ZNF549: variants seen among roughly 807,000 people sequenced by gnomAD.
ZNF549 encodes zinc finger protein 549.
A neutral mutation model predicts 11.1 loss-of-function variants in ZNF549; 11 were observed. The ratio of observed to expected loss-of-function variants is 0.99; its 90% CI spans 0.62 to 1.64. The LOEUF (loss-of-function observed/expected upper bound fraction) is 1.64. Among genes scored for constraint, ZNF549 ranks in the 40% most tolerant of loss-of-function variants. The pLI is 0.00. For synonymous variants in ZNF549, 266 were observed against 269.1 expected (o/e 0.99, Z 0.11); for missense variants, 748 against 765.1 (o/e 0.98, Z 0.26).
intron 2 of ZNF549, among the ~76,000 whole-genome samples, chr19:57,534,522 A>G (rs1330987513): frequency 6.6e-6 from 1 of 152,158 alleles, no homozygotes; most frequent in South Asian, 2.1e-4. Flanking sequence ...GACTGAGTAT[A>G]GGTGGAGAGA....
Position 57,527,436 on chromosome 19 carries a change from C to T in ZNF549, c.-138C>T. ...CGGGCCAGGTAACTGGAGCCGGAAACCGGTGGAGGTGGTGTCCGCCCGCAG... is the reference window on the plus strand; with the variant it reads ...CGGGCCAGGTAACTGGAGCCGGAAATCGGTGGAGGTGGTGTCCGCCCGCAG... On this transcript the variant is annotated 5_prime_UTR_variant, in exon 1 of 4. Coordinates refer to ENST00000376233, the MANE Select transcript of ZNF549 (RefSeq NM_001199295.2). 3 of 1,241,984 alleles carry T rather than the reference C, an allele frequency of 2.4e-6. No homozygotes were observed. Among genetic ancestry groups the T allele is most frequent in the South Asian group, 1.3e-5 (1 of 78,256 alleles). The allele number at this position is 1,241,984 out of a possible 1,614,324, so 76.9% of individuals were successfully genotyped here.
chr19:57,535,483 T>TG (rs2089920568), intron 3 of ZNF549: 2 of 567,488 alleles, frequency 3.5e-6, no homozygotes, highest in Non-Finnish European at 5.8e-6. Flanking sequence ...AGAGTTTGGG[T>TG]TCAGACTCTT....
At chr19:57,536,938 A>G (rs529451376) in intron 3 of ZNF549, among the ~76,000 whole-genome samples, 2 of 151,596 alleles carry the variant, frequency 1.3e-5, no homozygotes, top group Admixed American at 1.3e-4. Context: ...AAGAAATTCT[A>G]AAAAAAAATT....
In ZNF549 at chr19:57,539,172, C is replaced by G. The variant is rs774208153; in HGVS notation, c.*245C>G. On this transcript the variant is annotated 3_prime_UTR_variant, in exon 4 of 4. Transcript: ENST00000376233. ...CGTTTTCATCAGTCACTCACATGTG[C>G]TCAAGGAATGCAGACCACTGTGCTT... 4.2e-6 allele frequency: 2 copies of G among 470,884 alleles called. No individual in the cohort carries two copies. Among genetic ancestry groups the G allele is most frequent in the East Asian group, 3.5e-5 (1 of 28,768 alleles). 29.2% of individuals were successfully genotyped at this position (470,884 alleles called of 1,614,324 possible). A position where few individuals can be genotyped will look rare whatever the true frequency, so the allele number is the denominator to read the frequency against.
rs1442533189 is a variant in ZNF549, at chr19:57,537,545, C to G, written c.541C>G (p.Leu181Val). The change falls in exon 4 of 4, where the codon CTT becomes GTT. Residue 181 changes from leucine to valine, a missense_variant. Transcript: ENST00000376233. ...CTGCAAAATTCCTCTGTCAGACAAT[C>G]TTTTCCCATGCAAAGATGTTGAGAA... is the stretch of plus-strand genomic sequence containing the variant. ...NSCKIPLSDN[L>V]FPCKDVEKDF... is the part of the protein sequence containing the mutation. 2 of 1,614,120 alleles carry G rather than the reference C, an allele frequency of 1.2e-6. No individual in the cohort carries two copies. The highest frequency in any genetic ancestry group is 1.7e-6 in the Non-Finnish European group (2 of 1,180,050).
At position 57,527,522 on chromosome 19, in the gene ZNF549, G is replaced by A; in HGVS notation, c.-52G>A. 4 of 1,611,320 alleles carry A rather than the reference G, an allele frequency of 2.5e-6. No homozygotes were observed. The East Asian group carries it at 8.9e-5, about 36-fold the overall frequency. ...GCGATTTGCCACCGCACGCACGCCG[G>A]ATCCCGGGCTTTACCGCCCGCCTTT... On this transcript the variant is annotated 5_prime_UTR_variant, in exon 1 of 4. Coordinates refer to ENST00000376233, the MANE Select transcript of ZNF549 (RefSeq NM_001199295.2).
rs150631932 is a variant in ZNF549 at position 57,530,515 on chromosome 19, C to T, written c.34-555C>T. Among the ~76,000 whole-genome samples the T allele has an allele frequency of 2.0e-3, 311 of 152,210 alleles. 1 individual carries two copies. The highest frequency in any genetic ancestry group is 7.2e-3 in the African/African-American group (297 of 41,522). Reference sequence around the variant, plus strand: ...GTAAGGAGAGAGGTCATGGCAGCCCCCAAATGTGTAGCCAAGTGGAGAAAA... The same window carrying T: ...GTAAGGAGAGAGGTCATGGCAGCCCTCAAATGTGTAGCCAAGTGGAGAAAA... On this transcript the variant is annotated intron_variant, in intron 1 of 3. Coordinates refer to ENST00000376233, the MANE Select transcript of ZNF549 (RefSeq NM_001199295.2).
At chr19:57,535,102 G>A in intron 2 of ZNF549, 42 bp from the exon 3 acceptor site, 1 of 1,604,552 alleles carries the variant, frequency 6.2e-7, no homozygotes, top group Non-Finnish European at 8.5e-7. Context: ...GGGTTCCTGG[G>A]GATTGAGTCT....
intron 2 of ZNF549, 21 bp from the exon 3 acceptor site, chr19:57,535,123 T>G (rs761772354): frequency 6.2e-7 from 1 of 1,610,662 alleles, no homozygotes; most frequent in African/African-American, 1.3e-5. Flanking sequence ...GCTCATGATT[T>G]CATCTGCCCC....
chr19:57,529,000 G>T (rs2089891830), intron 1 of ZNF549, among the ~76,000 whole-genome samples: 3 of 152,104 alleles, frequency 2.0e-5, no homozygotes, highest in African/African-American at 7.2e-5. Context: ...CATCAGTGAC[G>T]GTGGTCCCAT....
rs2089939964 is a variant in ZNF549 at position 57,538,666 on chromosome 19, A to G, written c.1662A>G (p.Glu554=). The part of the protein sequence containing the change: ...LLEHQKVHTG[E]KPCECSECGK... ...AGCACCAGAAAGTTCACACTGGCGAAAAGCCCTGTGAGTGCAGTGAATGTG... is the reference window on the plus strand; with the variant it reads ...AGCACCAGAAAGTTCACACTGGCGAGAAGCCCTGTGAGTGCAGTGAATGTG... Residue 554 remains glutamate, a synonymous_variant, in exon 4 of 4, where the codon GAA becomes GAG. Transcript: ENST00000376233. 1.2e-6 allele frequency: 2 copies of G among 1,614,216 alleles called. No individual in the cohort carries two copies. The highest frequency in any genetic ancestry group is 1.3e-5 in the African/African-American group (1 of 75,046).
At chr19:57,531,564 TAAAG>T (rs2089904232) in intron 2 of ZNF549, among the ~76,000 whole-genome samples, 1 of 152,366 alleles carries the variant, frequency 6.6e-6, no homozygotes, top group African/African-American at 2.4e-5. Context: ...CCTTTTCACT[TAAAG>T]GAAGTACTTC....
chr19:57,532,235 G>A (rs527874678), intron 2 of ZNF549, among the ~76,000 whole-genome samples: 1 of 152,270 alleles, frequency 6.6e-6, no homozygotes, highest in African/African-American at 2.4e-5. Flanking sequence ...TTATAACTGT[G>A]TATTGTAAAC....
intron 2 of ZNF549, among the ~76,000 whole-genome samples, chr19:57,533,982 G>C (rs1485805595): frequency 2.0e-5 from 3 of 152,192 alleles, no homozygotes; most frequent in Non-Finnish European, 2.9e-5. Context: ...CTTGGTGGTG[G>C]TGTTAGGTGC....
At chr19:57,529,661 C>A (rs2089895057) in intron 1 of ZNF549, among the ~76,000 whole-genome samples, 2 of 152,150 alleles carry the variant, frequency 1.3e-5, no homozygotes, top group African/African-American at 4.8e-5. Flanking sequence ...CTGAGGCAGG[C>A]AGATCACAAG....
rs998187327 is a variant in ZNF549, at chr19:57,535,080, C to T, written c.73-64C>T. 77 of 1,586,958 alleles carry T rather than the reference C, an allele frequency of 4.9e-5. No individual in the cohort carries two copies. The South Asian group carries it at 6.8e-4, about 14-fold the overall frequency. ...TCTGAGTTGGAGAACTAGGGAGGAG[C>T]GAGATTTACTGGGGTTCCTGGGGAT... On this transcript the variant is annotated intron_variant, in intron 2 of 3. Coordinates refer to ENST00000376233, the MANE Select transcript of ZNF549 (RefSeq NM_001199295.2).
chr19:57,537,324 A>C lies in ZNF549; in HGVS notation c.320A>C (p.Glu107Ala), dbSNP rs753922148. 1 of 1,614,214 alleles carries C rather than the reference A, an allele frequency of 6.2e-7. No individual in the cohort carries two copies. The highest frequency in any genetic ancestry group is 8.5e-7 in the Non-Finnish European group (1 of 1,180,034). The part of the protein sequence containing the change: ...GPSIPNAHSC[E>A]MCILVMKDIL... Reference sequence around the variant, plus strand: ...TCCATCCCAAATGCTCATTCTTGTGAGATGTGTATCCTGGTCATGAAAGAC... The same window carrying C: ...TCCATCCCAAATGCTCATTCTTGTGCGATGTGTATCCTGGTCATGAAAGAC... Residue 107 changes from glutamate to alanine, a missense_variant, in exon 4 of 4, where the codon GAG becomes GCG. Glu to Ala is a moderately radical substitution (Grantham distance 107, BLOSUM62 -1). Coordinates refer to ENST00000376233, the MANE Select transcript of ZNF549 (RefSeq NM_001199295.2).
In ZNF549 at chr19:57,538,809, A is replaced by C. The variant is rs1395690123; in HGVS notation, c.1805A>C (p.Glu602Ala). ...TTTATCTATAAAAACAAACTTGTTG[A>C]GCATCAGCGAATCCACACCGGAGAA... Reference protein sequence around the residue: ...KAFIYKNKLVEHQRIHTGEKP... With the variant: ...KAFIYKNKLVAHQRIHTGEKP... Residue 602 changes from glutamate (E) to alanine (A), a missense_variant, in exon 4 of 4, where the codon GAG (glutamate) becomes GCG (alanine). Transcript: ENST00000376233. 6.2e-7 allele frequency: 1 copy of C among 1,614,210 alleles called. No individual in the cohort carries two copies. The highest frequency in any genetic ancestry group is 1.7e-5 in the Admixed American group (1 of 60,026).
rs532889736 is a variant in ZNF549, at chr19:57,538,544, G to C, written c.1540G>C (p.Val514Leu). Residue 514 changes from valine (V) to leucine (L), a missense_variant, in exon 4 of 4, where the codon GTT becomes CTT. Transcript: ENST00000376233. ...ATGTGGAAAAGGCTTCTACCTTGAG[G>C]TTAAACTTCTTCAGCACCAAAGAAT... is the stretch of plus-strand genomic sequence containing the variant. ...SECGKGFYLE[V>L]KLLQHQRIHT... is the part of the protein sequence containing the mutation. 50 of 1,614,104 alleles carry C rather than the reference G, an allele frequency of 3.1e-5. No individual in the cohort carries two copies. The East Asian group carries it at 1.1e-3, about 35-fold the overall frequency.
Sources: allele counts gnomAD v4.1 joint callset (sites outside exome capture counted in the v4.1 genomes callset), GRCh38; gene constraint gnomAD v4.1.1; transcripts MANE v1.5; gene names NCBI Gene and HGNC (gene_info 2026-07-23, HGNC 2026-07-21).